Variants in NFIA observed in about 807,000 individuals in gnomAD.
The protein encoded by NFIA is nuclear factor 1 A-type.
NFIA carries 8 observed loss-of-function variants against 62.8 expected under a neutral mutation model. That is an observed-to-expected ratio of 0.13 (90% CI 0.07 to 0.23). The LOEUF (loss-of-function observed/expected upper bound fraction) is 0.23. Ranked by LOEUF, NFIA falls within the 10% of genes least tolerant of loss-of-function variation. The pLI, the probability that NFIA is intolerant of heterozygous loss-of-function variation, is 1.00. For synonymous variants in NFIA, 235 were observed against 238.1 expected (o/e 0.99, Z 0.12); for missense variants, 410 against 642.1 (o/e 0.64, Z 3.91).
At chr1:61,308,280 A>C (rs1328406211) in intron 3 of NFIA, among the ~76,000 whole-genome samples, 2 of 152,252 alleles carry the variant, frequency 1.3e-5, no homozygotes, top group South Asian at 2.1e-4. Context: ...TTAACGAAAC[A>C]TGAATGCAGT....
intron 2 of NFIA, among the ~76,000 whole-genome samples, chr1:61,141,792 T>C (rs188752154): frequency 2.0e-5 from 3 of 152,342 alleles, no homozygotes; most frequent in Admixed American, 1.3e-4. Flanking sequence ...GGCTAACTGA[T>C]GTAATTAACT....
chr1:61,127,669 C>T (rs1229470608), intron 2 of NFIA, among the ~76,000 whole-genome samples: 1 of 151,996 alleles, frequency 6.6e-6, no homozygotes, highest in East Asian at 1.9e-4. Context: ...CTTGAATTCT[C>T]TTGATATTCC....
intron 6 of NFIA, among the ~76,000 whole-genome samples, chr1:61,370,681 T>C (rs1211491002): frequency 6.6e-6 from 1 of 152,174 alleles, no homozygotes; most frequent in East Asian, 1.9e-4. Context: ...TGAGGAATTC[T>C]TCCTGTGGTC....
At chr1:61,186,242 T>C (rs1363266000) in intron 2 of NFIA, among the ~76,000 whole-genome samples, 3 of 152,202 alleles carry the variant, frequency 2.0e-5, no homozygotes, top group African/African-American at 7.2e-5. Context: ...GGCTCTGCCA[T>C]TGACTAGTTG....
intron 2 of NFIA, chr1:61,124,984 C>T (rs1427403081): frequency 6.6e-6 from 1 of 152,234 alleles, no homozygotes; most frequent in Non-Finnish European, 1.5e-5. Context: ...TCTCACCCAT[C>T]ATCTCTGCTT....
intron 2 of NFIA, among the ~76,000 whole-genome samples, chr1:61,164,814 T>C (rs888996228): frequency 1.1e-4 from 16 of 152,114 alleles, no homozygotes; most frequent in Non-Finnish European, 1.5e-4. Context: ...AAGTGGGAAA[T>C]CATTGTTGCA....
intron 7 of NFIA, among the ~76,000 whole-genome samples, chr1:61,399,207 A>T (rs962535204): frequency 6.6e-6 from 1 of 152,360 alleles, no homozygotes; most frequent in African/African-American, 2.4e-5. Context: ...ACCTGTTGCC[A>T]CTGCCTTTGT....
At chr1:61,164,794 G>A (rs1045460437) in intron 2 of NFIA, among the ~76,000 whole-genome samples, 48 of 152,272 alleles carry the variant, frequency 3.2e-4, no homozygotes, top group African/African-American at 1.1e-3. Context: ...TACAGTGGGA[G>A]ATGGTGAAGA....
intron 2 of NFIA, among the ~76,000 whole-genome samples, chr1:61,224,878 T>G (rs924076447): frequency 6.6e-6 from 1 of 152,166 alleles, no homozygotes; most frequent in Non-Finnish European, 1.5e-5. Context: ...GATAAGGGTG[T>G]TGAAAATGTG....
chr1:61,317,238 A>G (rs1660413749), intron 3 of NFIA, among the ~76,000 whole-genome samples: 1 of 152,124 alleles, frequency 6.6e-6, no homozygotes, highest in Non-Finnish European at 1.5e-5. Context: ...TACATTATTT[A>G]TGAAAAAGTA....
chr1:61,221,426 A>C (rs990161340), intron 2 of NFIA, among the ~76,000 whole-genome samples: 2 of 152,150 alleles, frequency 1.3e-5, no homozygotes, highest in Non-Finnish European at 2.9e-5. Context: ...TGCTGAGAAA[A>C]GAAGGAAGGA....
At chr1:61,159,716 C>G (rs1649054589) in intron 2 of NFIA, among the ~76,000 whole-genome samples, 2 of 125,312 alleles carry the variant, frequency 1.6e-5, no homozygotes, top group South Asian at 5.1e-4. Context: ...GAGTCTTGCT[C>G]TGTTGCCCGG....
upstream of NFIA, among the ~76,000 whole-genome samples, chr1:61,080,088 T>TG (rs1646077730): frequency 6.6e-6 from 1 of 152,146 alleles, no homozygotes; most frequent in Admixed American, 6.5e-5. Context: ...TGAAGGGCTT[T>TG]GGTGCTGAAC....
intron 7 of NFIA, among the ~76,000 whole-genome samples, chr1:61,391,697 T>C (rs1023297433): frequency 3.9e-5 from 6 of 152,216 alleles, no homozygotes; most frequent in Non-Finnish European, 7.3e-5. Context: ...GAACGTCCCC[T>C]GGCGTTTCAC....
At chr1:61,333,056 CACACACACACAT>C (rs1366015713) in intron 4 of NFIA, among the ~76,000 whole-genome samples, 4 of 148,546 alleles carry the variant, frequency 2.7e-5, no homozygotes, top group South Asian at 2.1e-4. Flanking sequence ...CGCACACACA[CACACACACACAT>C]ACACACACAC....
chr1:61,201,201 C>CCTAT (rs1485094660), intron 2 of NFIA, among the ~76,000 whole-genome samples: 1 of 152,080 alleles, frequency 6.6e-6, no homozygotes, highest in Non-Finnish European at 1.5e-5. Context: ...TATCTTTTAT[C>CCTAT]CTATCTATGG....
chr1:61,233,687 G>A (rs1482331784), intron 2 of NFIA, among the ~76,000 whole-genome samples: 2 of 152,156 alleles, frequency 1.3e-5, no homozygotes, highest in Non-Finnish European at 2.9e-5. Context: ...AAATTGGGAT[G>A]ATAGTAACCA....
chr1:61,162,079 G>T (rs1052582331), intron 2 of NFIA, among the ~76,000 whole-genome samples: 6 of 152,118 alleles, frequency 3.9e-5, no homozygotes, highest in African/African-American at 7.2e-5. Flanking sequence ...TTTCCTTCAG[G>T]ACCAAATCTG....
intron 10 of NFIA, among the ~76,000 whole-genome samples, chr1:61,454,903 A>C (rs886423175): frequency 2.0e-5 from 3 of 152,144 alleles, no homozygotes; most frequent in African/African-American, 7.2e-5. Flanking sequence ...CCATTCATTC[A>C]ACTCTTCTTC....
Sources: allele counts gnomAD v4.1 joint callset (sites outside exome capture counted in the v4.1 genomes callset), GRCh38; gene constraint gnomAD v4.1.1; transcripts MANE v1.5; gene names NCBI Gene and HGNC (gene_info 2026-07-23, HGNC 2026-07-21).